PRPF6: variants seen among roughly 807,000 people sequenced by gnomAD.
PRPF6 encodes pre-mRNA-processing factor 6.
Under a neutral mutation model 118.3 loss-of-function variants are expected in PRPF6, and 42 were observed. The ratio of observed to expected loss-of-function variants is 0.35; its 90% CI spans 0.28 to 0.46. The LOEUF is 0.46. Among genes scored for constraint, PRPF6 ranks in the 20% least tolerant of loss-of-function variants. PRPF6 has a pLI of 1.00. For missense variants in PRPF6, 662 were observed against 1,255.7 expected, an observed-to-expected ratio of 0.53 and a Z score of 7.15; for synonymous variants, 481 against 485.1, an observed-to-expected ratio of 0.99 and a Z score of 0.11.
At position 64,026,666 on chromosome 20, in the gene PRPF6, G is replaced by A. The variant is rs561458162; in HGVS notation, c.2029-316G>A. On this transcript the variant is annotated intron_variant, in intron 15 of 20. Transcript: ENST00000266079. This position sits in a 1 kb window ranked among gnomAD's most constrained non-coding sequence, Gnocchi z 4.4. ...AAATACAAAATTAGCTGGGTGTGGT[G>A]GCTTGCACCTGTAGTTCCAGCTACT... Among the ~76,000 whole-genome samples the A allele has an allele frequency of 1.3e-5, 2 of 152,146 alleles. No homozygotes were observed. The highest frequency in any genetic ancestry group is 3.9e-4 in the East Asian group (2 of 5,172).
chr20:64,022,515 T>A (rs1399417681), intron 12 of PRPF6, among the ~76,000 whole-genome samples: 1 of 152,156 alleles, frequency 6.6e-6, no homozygotes, highest in East Asian at 1.9e-4. Flanking sequence ...ACTATGTAAG[T>A]TAGGCTGGTC....
chr20:64,002,341 ATT>A (rs375094578), intron 9 of PRPF6, among the ~76,000 whole-genome samples: 2 of 77,808 alleles, frequency 2.6e-5, no homozygotes, highest in Non-Finnish European at 2.7e-5. Context: ...GCTTCTATCC[ATT>A]TTTTTTTTTT....
chr20:64,001,205 G>A lies in PRPF6; in HGVS notation c.1152G>A (p.Thr384=), dbSNP rs375889714. 20 of 1,614,114 alleles carry A rather than the reference G, an allele frequency of 1.2e-5. No homozygotes were observed. The highest frequency in any genetic ancestry group is 4.4e-5 in the South Asian group (4 of 91,094). ...ACATCAGAGCCGCAGAGCTGGAAAC[G>A]GACATTCGTGCAAAGAAGCGGGTTC... The part of the protein sequence containing the change: ...RIYIRAAELE[T]DIRAKKRVLR... Residue 384 remains threonine (T), a synonymous_variant, in exon 9 of 21, where the codon ACG becomes ACA. Coordinates refer to ENST00000266079, the MANE Select transcript of PRPF6 (RefSeq NM_012469.4).
chr20:63,995,306 C>G (rs772655734), intron 5 of PRPF6, 21 bp from the exon 6 acceptor site: 10 of 1,600,528 alleles, frequency 6.2e-6, no homozygotes, highest in Non-Finnish European at 8.5e-6. Flanking sequence ...TTATTCTTGC[C>G]TTTCCTCTCT....
rs572180884 is a variant in PRPF6, at chr20:64,024,895, C to T, written c.1908+202C>T. Among the ~76,000 whole-genome samples, 8 of 152,252 alleles carry T rather than the reference C, an allele frequency of 5.3e-5. No individual in the cohort carries two copies. In the South Asian group the frequency reaches 1.7e-3, roughly 32 times the overall value. On this transcript the variant is annotated intron_variant, in intron 14 of 20. Coordinates refer to ENST00000266079, the MANE Select transcript of PRPF6 (RefSeq NM_012469.4). ...AGCAGCCCACCTGGCAGATACTTACCTCTCGGTCCCCCCACTCAGTGTGAC... is the reference window on the plus strand; with the variant it reads ...AGCAGCCCACCTGGCAGATACTTACTTCTCGGTCCCCCCACTCAGTGTGAC...
chr20:64,026,141 G>A lies in PRPF6; in HGVS notation c.2028+83G>A. 6.3e-7 allele frequency: 1 copy of A among 1,583,770 alleles called. No individual in the cohort carries two copies. The highest frequency in any genetic ancestry group is 8.5e-7 in the Non-Finnish European group (1 of 1,172,154). ...CCCACGCCTGGCTTGGGTGGTGATGGGAGTGAGATGACGGCAGGCAAACGA... is the reference window on the plus strand; with the variant it reads ...CCCACGCCTGGCTTGGGTGGTGATGAGAGTGAGATGACGGCAGGCAAACGA... On this transcript the variant is annotated intron_variant, in intron 15 of 20. Transcript: ENST00000266079. The surrounding 1 kb of genome is among the most constrained non-coding windows in gnomAD (Gnocchi z 4.4).
chr20:63,993,758 T>G (rs930843369), intron 4 of PRPF6, among the ~76,000 whole-genome samples: 20 of 146,532 alleles, frequency 1.4e-4, no homozygotes, highest in African/African-American at 5.0e-4. Context: ...TTCTTTTTTC[T>G]TTTTTTTTTT....
intron 19 of PRPF6, among the ~76,000 whole-genome samples, chr20:64,030,955 C>T (rs2059311452): frequency 2.0e-5 from 3 of 152,234 alleles, no homozygotes; most frequent in Admixed American, 6.5e-5. Flanking sequence ...GTGGCAGCAA[C>T]GCAGAGTCCC....
intron 12 of PRPF6, among the ~76,000 whole-genome samples, chr20:64,020,213 C>T (rs541823326): frequency 9.8e-4 from 149 of 152,148 alleles, no homozygotes; most frequent in Non-Finnish European, 2.0e-3. Flanking sequence ...GTCAGGAGTT[C>T]GAGACCAGCC....
intron 2 of PRPF6, among the ~76,000 whole-genome samples, chr20:63,983,485 CG>C (rs1255727526): frequency 4.5e-5 from 6 of 133,556 alleles, no homozygotes; most frequent in Non-Finnish European, 9.3e-5. Flanking sequence ...TTTTTTGAGA[CG>C]GAATTTCGCT....
In PRPF6 at chr20:64,011,210, G is replaced by A. The variant is rs1467536529; in HGVS notation, c.1306-75G>A. On this transcript the variant is annotated intron_variant, in intron 10 of 20. Transcript: ENST00000266079. The surrounding 1 kb of genome is among the most constrained non-coding windows in gnomAD (Gnocchi z 6.7). ...AGAACGTGGTGGCCAACGCTGGAGG[G>A]TGGGTCGCTGTCTGGCCTGCAGCTG... The A allele has an allele frequency of 1.4e-6, 2 of 1,386,094 alleles. No homozygotes were observed. The highest frequency in any genetic ancestry group is 2.3e-4 in the Middle Eastern group (1 of 4,422). The allele number at this position is 1,386,094 out of a possible 1,614,324, so 85.9% of individuals were successfully genotyped here. A position where few individuals can be genotyped will look rare whatever the true frequency, so the allele number is the denominator to read the frequency against.
intron 9 of PRPF6, among the ~76,000 whole-genome samples, chr20:64,009,856 G>A (rs2427587): frequency 0.21 from 31,629 of 152,130 alleles, 3,634 homozygotes; most frequent in African/African-American, 0.29. Flanking sequence ...CTTTTCAGAC[G>A]TCACATAAAG....
chr20:63,989,467 T>C (rs564183142), intron 3 of PRPF6, among the ~76,000 whole-genome samples: 8 of 152,210 alleles, frequency 5.3e-5, no homozygotes, highest in Non-Finnish European at 8.8e-5. Context: ...GTTCTCATTA[T>C]AGAATATTAG....
chr20:63,982,111 C>T (rs903350947), intron 1 of PRPF6, among the ~76,000 whole-genome samples: 1 of 152,076 alleles, frequency 6.6e-6, no homozygotes, highest in Non-Finnish European at 1.5e-5. Flanking sequence ...TTGGAGGGGC[C>T]TTGAGCGTCA....
At chr20:63,999,348 G>A (rs561301901) in intron 7 of PRPF6, among the ~76,000 whole-genome samples, 3 of 152,360 alleles carry the variant, frequency 2.0e-5, no homozygotes, top group South Asian at 4.1e-4. Flanking sequence ...CAAAGTCCCT[G>A]CCTGTGCTGG....
At chr20:64,001,629 GT>G (rs1390263754) in intron 9 of PRPF6, among the ~76,000 whole-genome samples, 1 of 152,192 alleles carries the variant, frequency 6.6e-6, no homozygotes, top group Non-Finnish European at 1.5e-5. Context: ...GTGCAGACCC[GT>G]TGTGGGTGTT....
intron 11 of PRPF6, among the ~76,000 whole-genome samples, chr20:64,014,027 T>C (rs1398735878): frequency 6.6e-6 from 1 of 151,790 alleles, no homozygotes; most frequent in Non-Finnish European, 1.5e-5. Flanking sequence ...CACATTTGCT[T>C]CCTGGGCTCA....
chr20:64,022,982 C>G, intron 13 of PRPF6, 104 bp downstream of exon 13: 1 of 1,561,764 alleles, frequency 6.4e-7, no homozygotes, highest in Admixed American at 1.7e-5. Context: ...CAGTCTTGTG[C>G]CCATTTGAGG....
chr20:63,990,097 A>G (rs969294679), intron 3 of PRPF6, among the ~76,000 whole-genome samples: 1 of 150,930 alleles, frequency 6.6e-6, no homozygotes, highest in Non-Finnish European at 1.5e-5. Context: ...CAAGTGATCC[A>G]CCCGCCTCAG....
Sources: gnomAD v4.1 joint callset for allele counts (sites outside exome capture counted in the v4.1 genomes callset) on GRCh38, gnomAD v4.1.1 for gene constraint, Gnocchi (gnomAD v3.1) non-coding constraint, MANE v1.5 for transcripts, NCBI Gene and HGNC (gene_info 2026-07-23, HGNC 2026-07-21) for gene names.